The following LZTFL1 variants were observed in gnomAD, a reference collection of about 807,000 sequenced individuals.
The protein encoded by LZTFL1 is leucine zipper transcription factor-like protein 1.
Under a neutral mutation model 45.9 loss-of-function variants are expected in LZTFL1, and 25 were observed. The ratio of observed to expected loss-of-function variants is 0.54; its 90% CI spans 0.40 to 0.76. The LOEUF is 0.76. LZTFL1 is among the 30% of genes least tolerant of loss of function. The pLI, the probability that LZTFL1 is intolerant of heterozygous loss-of-function variation, is 0.00. For synonymous variants in LZTFL1, 93 were observed against 117.4 expected (o/e 0.79, Z 1.35); for missense variants, 277 against 331.1 (o/e 0.84, Z 1.27).
chr3:45,915,001 ATGCAGGGCCCTGTTTGTGAAAGCT>A (rs1379582235), intron 1 of LZTFL1, among the ~76,000 whole-genome samples: 15 of 152,176 alleles, frequency 9.9e-5, no homozygotes, highest in South Asian at 8.3e-4. Context: ...TTGTGAAAGC[ATGCAGGGCCCTGTTTGTGAAAGCT>A]TGCAGGGCCC....
chr3:45,831,374 C>A (rs574250168), intron 5 of LZTFL1, among the ~76,000 whole-genome samples: 61 of 151,838 alleles, frequency 4.0e-4, no homozygotes, highest in African/African-American at 1.4e-3. Flanking sequence ...TCAGACACAT[C>A]TTCCCTCTTT....
chr3:45,842,223 G>A, upstream of LZTFL1: 3 of 1,376,124 alleles, frequency 2.2e-6, no homozygotes, highest in Non-Finnish European at 2.9e-6. Context: ...ACTGCCACAT[G>A]CGCATTGGCT....
chr3:45,846,730 G>C (rs1701222463), upstream of LZTFL1, among the ~76,000 whole-genome samples: 1 of 152,022 alleles, frequency 6.6e-6, no homozygotes, highest in Non-Finnish European at 1.5e-5. Context: ...GGTTGAGGAG[G>C]AGGAGGAAGA....
rs754245427 is a variant in LZTFL1, at chr3:45,901,599, A to G, written c.-215+11521T>C. On this transcript the variant is annotated intron_variant, in intron 2 of 4. Transcript: ENST00000472635. This position sits in a 1 kb window ranked among gnomAD's most constrained non-coding sequence, Gnocchi z 4.3. ...CTTTGTCTTGTCTCAGTTTCCCTAC[A>G]ACTGCATTTTGTTGGTGCAGACCAT... The G allele has an allele frequency of 1.7e-5, 28 of 1,614,074 alleles. No individual in the cohort carries two copies. The highest frequency in any genetic ancestry group is 2.3e-5 in the Non-Finnish European group (27 of 1,180,024).
In LZTFL1 at chr3:45,900,338, C is replaced by G. The variant is rs1702510383; in HGVS notation, c.-215+12782G>C. On this transcript the variant is annotated intron_variant, in intron 2 of 4. Coordinates refer to the LZTFL1 transcript ENST00000472635. This position sits in a 1 kb window ranked among gnomAD's most constrained non-coding sequence, Gnocchi z 4.7. Reference sequence around the variant, plus strand: ...TTCAGGAAACTCAGGGGACTGGGATCCAGATGAGTTTAAGAGCCCTTGCTA... The same window carrying G: ...TTCAGGAAACTCAGGGGACTGGGATGCAGATGAGTTTAAGAGCCCTTGCTA... Among the ~76,000 whole-genome samples, 1 of 152,042 alleles carries G rather than the reference C, an allele frequency of 6.6e-6. No individual in the cohort carries two copies. The highest frequency in any genetic ancestry group is 1.5e-5 in the Non-Finnish European group (1 of 68,024).
chr3:45,836,377 A>AG (rs1700966001), intron 2 of LZTFL1, among the ~76,000 whole-genome samples: 1 of 152,192 alleles, frequency 6.6e-6, no homozygotes, highest in Admixed American at 6.5e-5. Flanking sequence ...TCTCAGGGCC[A>AG]GGCATGGTAG....
rs375725883 is a variant in LZTFL1, at chr3:45,880,172, T to C, written c.-214-21156A>G. The stretch of plus-strand genomic sequence containing the variant: ...TGCAGAACCAAAGGTTTTGCTGTTT[T>C]TTTGTTGTTTCCCATGCAGCAATCA... On this transcript the variant is annotated intron_variant, in intron 2 of 4. Coordinates refer to the LZTFL1 transcript ENST00000472635. 1.1e-4 allele frequency among the ~76,000 whole-genome samples: 16 copies of C among 152,300 alleles called. No homozygotes were observed. In the East Asian group the frequency reaches 2.3e-3, roughly 22 times the overall value.
intron 4 of LZTFL1, among the ~76,000 whole-genome samples, chr3:45,852,561 G>A (rs574922299): frequency 2.0e-5 from 3 of 152,166 alleles, no homozygotes; most frequent in Non-Finnish European, 4.4e-5. Context: ...AAGAAAAAAA[G>A]TCAAGTTGGA....
chr3:45,849,142 A>G (rs1701269268), intron 4 of LZTFL1, among the ~76,000 whole-genome samples: 1 of 152,332 alleles, frequency 6.6e-6, no homozygotes, highest in East Asian at 1.9e-4. Context: ...CCATTAGAGG[A>G]TCATGTCATG....
intron 2 of LZTFL1, among the ~76,000 whole-genome samples, chr3:45,905,682 G>C (rs1239300936): frequency 6.6e-6 from 1 of 152,258 alleles, no homozygotes; most frequent in East Asian, 1.9e-4. Flanking sequence ...CTGTGAGACA[G>C]AGAATAGCGT....
chr3:45,863,183 G>A lies in LZTFL1; in HGVS notation c.-214-4167C>T, dbSNP rs375871586. 5.3e-5 allele frequency among the ~76,000 whole-genome samples: 8 copies of A among 152,328 alleles called. No individual in the cohort carries two copies. In the East Asian group the frequency reaches 7.7e-4, roughly 15 times the overall value. ...CATTGTGTAACTGAAAGAAAAGTGC[G>A]TCTAATGTCCTTCAGGTAGGAACTA... On this transcript the variant is annotated intron_variant, in intron 2 of 4. Coordinates refer to the LZTFL1 transcript ENST00000472635.
chr3:45,911,328 C>A (rs572654725), intron 2 of LZTFL1, among the ~76,000 whole-genome samples: 1 of 152,356 alleles, frequency 6.6e-6, no homozygotes, highest in Non-Finnish European at 1.5e-5. Flanking sequence ...ACTTGACTAG[C>A]TGACTAATGC....
intron 9 of LZTFL1, 55 bp from the exon 10 acceptor site, chr3:45,826,387 C>A (rs1315597942): frequency 2.1e-6 from 3 of 1,426,356 alleles, no homozygotes; most frequent in Non-Finnish European, 3.0e-6. Context: ...GTTGTTATTA[C>A]CAAATAAGTT....
chr3:45,855,084 GA>G, intron 3 of LZTFL1: 11 of 1,469,980 alleles, frequency 7.5e-6, no homozygotes, highest in Non-Finnish European at 1.0e-5. Flanking sequence ...CCTAGAAAAT[GA>G]GAGTTCGAGT....
chr3:45,852,653 T>C (rs1450212480), intron 4 of LZTFL1, among the ~76,000 whole-genome samples: 1 of 152,188 alleles, frequency 6.6e-6, no homozygotes, highest in Non-Finnish European at 1.5e-5. Flanking sequence ...CATCAAAATG[T>C]GGGAAGAGGT....
intron 2 of LZTFL1, among the ~76,000 whole-genome samples, chr3:45,887,093 G>A (rs944107793): frequency 1.6e-4 from 24 of 152,150 alleles, no homozygotes; most frequent in African/African-American, 5.8e-4. Flanking sequence ...GAATTGTGAT[G>A]TATCTAGACA....
In LZTFL1 at chr3:45,824,947, C is replaced by A; in HGVS notation, c.*1367G>T. On this transcript the variant is annotated 3_prime_UTR_variant, in exon 10 of 10. Transcript: ENST00000296135. The stretch of plus-strand genomic sequence containing the variant: ...TTGCATTTTATTCTCTCCCTTCTCT[C>A]ATCCATTCATCTTCTTAAGACTGCC... 1 of 398,322 alleles carries A rather than the reference C, an allele frequency of 2.5e-6. No homozygotes were observed. 24.7% of individuals were successfully genotyped at this position (398,322 alleles called of 1,614,324 possible). A position where few individuals can be genotyped will look rare whatever the true frequency, so the allele number is the denominator to read the frequency against.
chr3:45,863,908 A>G (rs909433749), intron 2 of LZTFL1, among the ~76,000 whole-genome samples: 2 of 152,260 alleles, frequency 1.3e-5, no homozygotes, highest in Non-Finnish European at 2.9e-5. Context: ...GTGAATTTGA[A>G]TAATATAATG....
intron 3 of LZTFL1, chr3:45,835,368 C>A: frequency 2.1e-6 from 1 of 475,484 alleles, no homozygotes; most frequent in Non-Finnish European, 3.7e-6. Flanking sequence ...TCATAAATCT[C>A]GATGGCCTTT....
Sources: gnomAD v4.1 joint callset for allele counts (sites outside exome capture counted in the v4.1 genomes callset) on GRCh38, gnomAD v4.1.1 for gene constraint, Gnocchi (gnomAD v3.1) non-coding constraint, MANE v1.5 for transcripts, NCBI Gene and HGNC (gene_info 2026-07-23, HGNC 2026-07-21) for gene names.